DNAH9: variants seen among roughly 807,000 people sequenced by gnomAD.
DNAH9 encodes dynein axonemal heavy chain 9, also known as DNAH9 variant protein.
Under a neutral mutation model 471.6 loss-of-function variants are expected in DNAH9, and 345 were observed. The ratio of observed to expected loss-of-function variants is 0.73; its 90% CI spans 0.67 to 0.80. The LOEUF (loss-of-function observed/expected upper bound fraction) is 0.80. Among genes scored for constraint, DNAH9 ranks in the 30% least tolerant of loss-of-function variants. The pLI, the probability that DNAH9 is intolerant of heterozygous loss-of-function variation, is 0.00. For missense variants in DNAH9, 5,407 were observed against 5,609.2 expected (o/e 0.96, Z 1.15); for synonymous variants, 2,093 against 2,123.6 (o/e 0.99, Z 0.40).
intron 49 of DNAH9, among the ~76,000 whole-genome samples, chr17:11,840,976 C>T (rs573970927): frequency 1.9e-4 from 29 of 152,100 alleles, no homozygotes; most frequent in South Asian, 4.1e-4. Context: ...TAACTTCTTA[C>T]GGAAACAATA....
intron 48 of DNAH9, among the ~76,000 whole-genome samples, chr17:11,825,997 C>T (rs552713471): frequency 6.6e-6 from 1 of 152,284 alleles, no homozygotes; most frequent in South Asian, 2.1e-4. Context: ...GGTAATAGGA[C>T]ATAATGAAGC....
In DNAH9 at chr17:11,743,378, A is replaced by G. The variant is rs963877738; in HGVS notation, c.6111+1065A>G. On this transcript the variant is annotated intron_variant, in intron 30 of 68. Coordinates refer to ENST00000262442, the MANE Select transcript of DNAH9 (RefSeq NM_001372.4). ...TTCCAAGCACCCATATCTTTTGCTT[A>G]AACTATTGCAACTGCCTTTCTACTA... Among the ~76,000 whole-genome samples, 3 of 152,216 alleles carry G rather than the reference A, an allele frequency of 2.0e-5. No individual in the cohort carries two copies. In the South Asian group the frequency reaches 6.2e-4, roughly 32 times the overall value.
chr17:11,902,911 CGGTAGGAAACAG>C lies in DNAH9; in HGVS notation c.11600+3_11600+14del, dbSNP rs1973461404. 2 of 1,611,660 alleles carry C rather than the reference CGGTAGGAAACAG, an allele frequency of 1.2e-6. No homozygotes were observed. Among genetic ancestry groups the C allele is most frequent in the Non-Finnish European group, 1.7e-6 (2 of 1,179,156 alleles). ...GCCCGACCGGATGACCTATGCTTTGCGGTAGGAAACAGGGTGGTGGAAGGCCCAGCATAGGCA... is the reference window on the plus strand; with the variant it reads ...GCCCGACCGGATGACCTATGCTTTGCGGTGGTGGAAGGCCCAGCATAGGCA... On this transcript the variant is annotated splice_donor_variant and splice_donor_5th_base_variant and coding_sequence_variant and intron_variant, in exon 60 of 69. Coordinates refer to ENST00000262442, the MANE Select transcript of DNAH9 (RefSeq NM_001372.4). LOFTEE classifies it high-confidence loss of function.
Position 11,930,011 on chromosome 17 carries a change from T to C in DNAH9, c.12023T>C (p.Leu4008Pro), listed in dbSNP as rs528260519. ...PEGHIIPQGI[L>P]ENSIKITNEP... ...GGCCACATCATCCCCCAGGGCATCC[T>C]GGAGAACTCCATTAAGATCACCAAT... The change falls in exon 63 of 69, where the codon CTG (leucine) becomes CCG (proline). Residue 4008 changes from leucine to proline, a missense_variant. Leu to Pro is a moderately conservative substitution (Grantham distance 98). This residue lies in a region of DNAH9 where 4,636 missense variants were observed against 4,900.3 expected (regional missense o/e 0.95). Transcript: ENST00000262442. The C allele has an allele frequency of 1.2e-6, 2 of 1,614,122 alleles. No homozygotes were observed. Among genetic ancestry groups the C allele is most frequent in the Admixed American group, 3.3e-5 (2 of 60,006 alleles).
At chr17:11,622,935 G>A (rs1472296997) in intron 6 of DNAH9, among the ~76,000 whole-genome samples, 2 of 150,646 alleles carry the variant, frequency 1.3e-5, no homozygotes, top group Admixed American at 6.6e-5. Flanking sequence ...TTGCTCCTGT[G>A]CCCAGCTGCT....
chr17:11,620,823 A>C (rs1276358160), intron 6 of DNAH9, among the ~76,000 whole-genome samples: 1 of 152,154 alleles, frequency 6.6e-6, no homozygotes, highest in African/African-American at 2.4e-5. Context: ...GCAGCTCCCC[A>C]AAGTCCAAAA....
chr17:11,931,972 AGAAGTTGTGTGCGAACCTTAAAAGC>A lies in DNAH9; in HGVS notation c.12106-39_12106-15del. 1 of 1,605,420 alleles carries A rather than the reference AGAAGTTGTGTGCGAACCTTAAAAGC, an allele frequency of 6.2e-7. No homozygotes were observed. ...CTCACCCTAGCCAGCCCCGTATAAG[AGAAGTTGTGTGCGAACCTTAAAAGC>A]GACACTCTCATTTCAGGACACTCTG... is the stretch of plus-strand genomic sequence containing the variant. On this transcript the variant is annotated splice_polypyrimidine_tract_variant and intron_variant, in intron 63 of 68. Transcript: ENST00000262442.
chr17:11,924,520 CCTCT>C (rs1974250014), intron 62 of DNAH9, among the ~76,000 whole-genome samples: 1 of 151,958 alleles, frequency 6.6e-6, no homozygotes, highest in Admixed American at 6.6e-5. Flanking sequence ...AGAATTTAGC[CCTCT>C]CTATTAACCC....
chr17:11,622,968 CTTTTTT>C (rs10551080), intron 6 of DNAH9, among the ~76,000 whole-genome samples: 1 of 105,388 alleles, frequency 9.5e-6, no homozygotes, highest in Admixed American at 1.1e-4. Flanking sequence ...TTTTCTTTTT[CTTTTTT>C]TTTTTTTTTT....
At chr17:11,836,333 A>T (rs548658487) in intron 49 of DNAH9, among the ~76,000 whole-genome samples, 2 of 152,322 alleles carry the variant, frequency 1.3e-5, no homozygotes, top group East Asian at 3.9e-4. Flanking sequence ...ATCCTATTAT[A>T]GATGGTTATA....
At chr17:11,759,504 T>TTCCATGTG (rs1479949987) in intron 35 of DNAH9, among the ~76,000 whole-genome samples, 6 of 150,378 alleles carry the variant, frequency 4.0e-5, no homozygotes, top group African/African-American at 1.5e-4. Context: ...TACATAGGTA[T>TTCCATGTG]ATATACACAC....
At chr17:11,906,537 G>A (rs1317195558) in intron 61 of DNAH9, among the ~76,000 whole-genome samples, 1 of 150,732 alleles carries the variant, frequency 6.6e-6, no homozygotes, top group African/African-American at 2.5e-5. Context: ...TGAGGCAGGA[G>A]AATCGCTGGA....
At chr17:11,872,454 A>G (rs55663438) in intron 52 of DNAH9, among the ~76,000 whole-genome samples, 71,711 of 150,516 alleles carry the variant, frequency 0.48, 17,423 homozygotes, top group Non-Finnish European at 0.53. Context: ...CGCGAGCATC[A>G]GAAGTTCTAA....
rs772121191 is a variant in DNAH9, at chr17:11,854,007, A to G, written c.9512A>G (p.Asn3171Ser). ...CACCTCCTTCTCTTTTCCCAGACCA[A>G]CCTGACAGAGCTGAAGTCATTTGGC... ...QAALNTLNKT[N>S]LTELKSFGSP... The change falls in exon 50 of 69, where the codon AAC (asparagine) becomes AGC (serine). Residue 3171 changes from asparagine to serine, a missense_variant. Physicochemically the swap from Asn to Ser is conservative, Grantham distance 46. Transcript: ENST00000262442. 1.9e-6 allele frequency: 3 copies of G among 1,613,126 alleles called. No homozygotes were observed. The highest frequency in any genetic ancestry group is 2.5e-6 in the Non-Finnish European group (3 of 1,179,330).
In DNAH9 at chr17:11,894,641, C is replaced by T. The variant is rs1210278659; in HGVS notation, c.11406+145C>T. ...CATAGGCGCATCCCTTTCCTTGCGT[C>T]CCCACAGTGAGCTCATCTTTCCTGG... On this transcript the variant is annotated intron_variant, in intron 59 of 68. Transcript: ENST00000262442. The T allele has an allele frequency of 2.8e-6, 3 of 1,070,254 alleles. No homozygotes were observed. The African/African-American group carries it at 4.7e-5, about 17-fold the overall frequency. The allele number at this position is 1,070,254 out of a possible 1,614,324, so 66.3% of individuals were successfully genotyped here.
intron 33 of DNAH9, among the ~76,000 whole-genome samples, chr17:11,754,133 CA>C (rs57757184): frequency 0.43 from 61,286 of 143,150 alleles, 12,544 homozygotes; most frequent in East Asian, 0.52. Context: ...TTCATGTTCC[CA>C]AAAAAAAAAA....
intron 57 of DNAH9, among the ~76,000 whole-genome samples, chr17:11,888,078 G>T (rs958022917): frequency 1.8e-4 from 27 of 151,902 alleles, no homozygotes; most frequent in Non-Finnish European, 3.4e-4. Flanking sequence ...TGCCTCCCGG[G>T]TTGAGGCCAT....
At chr17:11,875,227 C>T in intron 53 of DNAH9, 43 bp downstream of exon 53, 1 of 1,524,162 alleles carries the variant, frequency 6.6e-7, no homozygotes. Context: ...GCCATTTGTG[C>T]AGGAAAATGT....
rs182279544 is a variant in DNAH9, at chr17:11,714,305, T to C, written c.5553-5029T>C. On this transcript the variant is annotated intron_variant, in intron 26 of 68. Coordinates refer to ENST00000262442, the MANE Select transcript of DNAH9 (RefSeq NM_001372.4). ...TTACTTTACATTCATCCCTCTTAAA[T>C]TGGATTTTGTTGGGTCTGTCCCATC... Among the ~76,000 whole-genome samples, 703 of 152,308 alleles carry C rather than the reference T, an allele frequency of 4.6e-3. 3 individuals carry two copies. Among genetic ancestry groups the C allele is most frequent in the Admixed American group, 6.7e-3 (103 of 15,302 alleles).
Sources: allele counts gnomAD v4.1 joint callset (sites outside exome capture counted in the v4.1 genomes callset), GRCh38; gene constraint gnomAD v4.1.1; regional missense constraint gnomAD v4.1.1; transcripts MANE v1.5; gene names NCBI Gene and HGNC (gene_info 2026-07-23, HGNC 2026-07-21).